The following AFAP1 variants were observed in gnomAD, a reference collection of about 807,000 sequenced individuals.
AFAP1 encodes actin filament-associated protein 1.
In AFAP1, 75 loss-of-function variants were observed where a neutral mutation model predicts 93.9. The ratio of observed to expected loss-of-function variants is 0.80; its 90% CI spans 0.66 to 0.97. The LOEUF is 0.97. AFAP1 is among the 50% of genes least tolerant of loss of function. The pLI is 0.00. For missense variants in AFAP1, 1,201 were observed against 1,050.8 expected, an observed-to-expected ratio of 1.14 and a Z score of -1.98; for synonymous variants, 517 against 430.7, an observed-to-expected ratio of 1.20 and a Z score of -2.48.
At chr4:7,826,134 G>C (rs1052868202) in intron 6 of AFAP1, among the ~76,000 whole-genome samples, 4 of 152,216 alleles carry the variant, frequency 2.6e-5, no homozygotes, top group Non-Finnish European at 5.9e-5. Flanking sequence ...TTGGGACAGG[G>C]AAGAAGCCAG....
rs2158274 is a variant in AFAP1, at chr4:7,762,789, C to A, written c.*976G>T. 6.6e-6 allele frequency: 1 copy of A among 152,028 alleles called. No homozygotes were observed. Among genetic ancestry groups the A allele is most frequent in the Non-Finnish European group, 1.5e-5 (1 of 68,048 alleles). The allele number at this position is 152,028 out of a possible 1,614,324, so 9.4% of individuals were successfully genotyped here. Reference sequence around the variant, plus strand: ...CTCTAAGGTGTTATAGTTCCATGAGCGAACAAATTCCGGAACTTGCTTCCC... The same window carrying A: ...CTCTAAGGTGTTATAGTTCCATGAGAGAACAAATTCCGGAACTTGCTTCCC... On this transcript the variant is annotated 3_prime_UTR_variant, in exon 18 of 18. Coordinates refer to ENST00000420658, the MANE Select transcript of AFAP1 (RefSeq NM_001134647.2).
chr4:7,771,193 C>T (rs901585830), intron 16 of AFAP1, among the ~76,000 whole-genome samples: 1 of 152,222 alleles, frequency 6.6e-6, no homozygotes, highest in Non-Finnish European at 1.5e-5. Context: ...TTCATAACTG[C>T]AGGCCTGGAA....
At chr4:7,844,150 C>T (rs1227322879) in intron 4 of AFAP1, among the ~76,000 whole-genome samples, 1 of 150,616 alleles carries the variant, frequency 6.6e-6, no homozygotes, top group African/African-American at 2.4e-5. Context: ...AACTGTGTCC[C>T]TCCCGGAAAT....
chr4:7,867,848 C>G (rs1322042278), intron 3 of AFAP1, among the ~76,000 whole-genome samples: 2 of 151,886 alleles, frequency 1.3e-5, no homozygotes, highest in African/African-American at 4.8e-5. Flanking sequence ...AGCACTGTGG[C>G]AGGCCCAGGC....
chr4:7,914,104 G>C (rs1351418047), intron 1 of AFAP1, among the ~76,000 whole-genome samples: 3 of 151,698 alleles, frequency 2.0e-5, no homozygotes, highest in African/African-American at 7.3e-5. Flanking sequence ...GCCCAGGCTG[G>C]AGTGCAGTGG....
chr4:7,844,528 C>T (rs1015710549), intron 4 of AFAP1, among the ~76,000 whole-genome samples: 1 of 152,134 alleles, frequency 6.6e-6, no homozygotes. Context: ...CAACACAGAG[C>T]GGATCGCAGC....
chr4:7,800,141 T>G (rs1002928537), intron 10 of AFAP1, among the ~76,000 whole-genome samples: 1 of 152,220 alleles, frequency 6.6e-6, no homozygotes, highest in Non-Finnish European at 1.5e-5. Flanking sequence ...GTGTATTTAA[T>G]TTCCCTGCAA....
At chr4:7,781,699 C>T (rs1160308946) in intron 12 of AFAP1, 72 bp from the exon 13 acceptor site, 6 of 1,522,528 alleles carry the variant, frequency 3.9e-6, no homozygotes, top group African/African-American at 2.8e-5. Context: ...AGTGAGATGT[C>T]ATTTATTAAT....
intron 1 of AFAP1, among the ~76,000 whole-genome samples, chr4:7,875,261 C>G (rs1281159490): frequency 6.6e-6 from 1 of 152,166 alleles, no homozygotes; most frequent in African/African-American, 2.4e-5. Flanking sequence ...CTGCCGTGCA[C>G]CATCAAGGCT....
chr4:7,860,775 A>C (rs1577307600), intron 3 of AFAP1, among the ~76,000 whole-genome samples: 1 of 152,228 alleles, frequency 6.6e-6, no homozygotes, highest in East Asian at 1.9e-4. Flanking sequence ...GGAACCAACA[A>C]ACCGAACAAC....
chr4:7,796,448 G>A (rs932439317), intron 10 of AFAP1, among the ~76,000 whole-genome samples: 3 of 152,286 alleles, frequency 2.0e-5, no homozygotes, highest in African/African-American at 4.8e-5. Flanking sequence ...TATAATCACT[G>A]ATTAAAAATC....
intron 3 of AFAP1, among the ~76,000 whole-genome samples, chr4:7,864,894 C>G (rs1432485779): frequency 6.6e-6 from 1 of 152,092 alleles, no homozygotes; most frequent in African/African-American, 2.4e-5. Context: ...AGGAGGATTG[C>G]TTGAGCACAG....
At position 7,803,675 on chromosome 4, in the gene AFAP1, G is replaced by A. The variant is rs528552013; in HGVS notation, c.1055-3022C>T. ...CTGGCCCCGATTCCCAACCACAGGG[G>A]ACCTGGTCCCGAAAAGGGACATGGA... On this transcript the variant is annotated intron_variant, in intron 9 of 17. Transcript: ENST00000420658. Among the ~76,000 whole-genome samples, 3 of 152,350 alleles carry A rather than the reference G, an allele frequency of 2.0e-5. No homozygotes were observed. The South Asian group carries it at 6.2e-4, about 32-fold the overall frequency.
chr4:7,811,261 C>CGACCCTTT (rs1553836531), intron 8 of AFAP1, among the ~76,000 whole-genome samples: 6 of 151,980 alleles, frequency 3.9e-5, no homozygotes, highest in African/African-American at 1.2e-4. Flanking sequence ...CCGCTGGCTG[C>CGACCCTTT]GGAGATCACA....
intron 17 of AFAP1, among the ~76,000 whole-genome samples, chr4:7,764,878 G>A (rs943722467): frequency 8.5e-5 from 13 of 152,208 alleles, no homozygotes; most frequent in African/African-American, 3.1e-4. Context: ...GAGTGAGGTG[G>A]GAGGATTGTG....
intron 17 of AFAP1, among the ~76,000 whole-genome samples, chr4:7,767,755 CCA>C (rs1714811979): frequency 1.3e-5 from 2 of 152,272 alleles, no homozygotes; most frequent in South Asian, 2.1e-4. Context: ...ACACCTATCC[CCA>C]GTCAACTCGG....
chr4:7,899,642 G>A lies in AFAP1; in HGVS notation c.-2-27562C>T, dbSNP rs191015246. ...AACATCTCTTCCATCCCCAGGGCTA[G>A]ATAAAGGAGATTCTGAAAACCCTGT... On this transcript the variant is annotated intron_variant, in intron 1 of 17. Coordinates refer to ENST00000420658, the MANE Select transcript of AFAP1 (RefSeq NM_001134647.2). 9.2e-4 allele frequency among the ~76,000 whole-genome samples: 140 copies of A among 152,294 alleles called. No homozygotes were observed. In the Middle Eastern group the frequency reaches 0.014, roughly 15 times the overall value.
At chr4:7,795,530 G>T (rs1441185430) in intron 10 of AFAP1, among the ~76,000 whole-genome samples, 1 of 138,904 alleles carries the variant, frequency 7.2e-6, no homozygotes, top group Non-Finnish European at 1.5e-5. Flanking sequence ...GATCACGCCA[G>T]TCTCCTGCCT....
chr4:7,843,268 G>C lies in AFAP1; in HGVS notation c.417C>G (p.His139Gln). ...TGGAGGCCTCCTCGGAGGGCCACTG[G>C]TGCCGGGTTTTCTTCCCCTTCCCAT... is the stretch of plus-strand genomic sequence containing the variant. ...EEDGKGKKTR[H>Q]QWPSEEASMD... Residue 139 changes from histidine (H) to glutamine (Q), a missense_variant, in exon 5 of 18, where the codon CAC (histidine) becomes CAG (glutamine). By Grantham distance (24) the His-to-Gln change is conservative. Coordinates refer to ENST00000420658, the MANE Select transcript of AFAP1 (RefSeq NM_001134647.2). The C allele has an allele frequency of 1.2e-6, 2 of 1,614,156 alleles. No individual in the cohort carries two copies. Among genetic ancestry groups the C allele is most frequent in the Non-Finnish European group, 1.7e-6 (2 of 1,180,028 alleles).
Sources: allele counts gnomAD v4.1 joint callset (sites outside exome capture counted in the v4.1 genomes callset), GRCh38; gene constraint gnomAD v4.1.1; transcripts MANE v1.5; gene names NCBI Gene and HGNC (gene_info 2026-07-23, HGNC 2026-07-21).